The following SYMPK variants were observed in gnomAD, a reference collection of about 807,000 sequenced individuals.
The protein encoded by SYMPK is symplekin scaffold protein.
Under a neutral mutation model 136.4 loss-of-function variants are expected in SYMPK, and 49 were observed. The ratio of observed to expected loss-of-function variants is 0.36; its 90% confidence interval spans 0.29 to 0.46. The LOEUF (loss-of-function observed/expected upper bound fraction) is 0.46. Ranked by LOEUF, SYMPK falls within the 20% of genes least tolerant of loss-of-function variation. The pLI, the probability that SYMPK is intolerant of heterozygous loss-of-function variation, is 1.00. For synonymous variants in SYMPK, 766 were observed against 713.0 expected, an observed-to-expected ratio of 1.07 and a Z score of -1.19; for missense variants, 1,365 against 1,690.0, an observed-to-expected ratio of 0.81 and a Z score of 3.37.
chr19:45,854,302 C>T (rs1327268930), intron 2 of SYMPK, 62 bp from the exon 3 acceptor site: 9 of 1,603,250 alleles, frequency 5.6e-6, no homozygotes, highest in East Asian at 2.2e-5. Flanking sequence ...GCAGCCCCCT[C>T]GGCACTCCCA....
chr19:45,828,012 C>A, intron 14 of SYMPK, 94 bp from the exon 15 acceptor site: 1 of 1,148,686 alleles, frequency 8.7e-7, no homozygotes, highest in African/African-American at 1.5e-5. Context: ...GCCAGCAGGC[C>A]CTCCCTCAGG....
chr19:45,828,116 C>A lies in SYMPK; in HGVS notation c.1986-198G>T. On this transcript the variant is annotated intron_variant, in intron 14 of 26. Coordinates refer to ENST00000245934, the MANE Select transcript of SYMPK (RefSeq NM_004819.3). The stretch of plus-strand genomic sequence containing the variant: ...CTGGATGATCTGGGCAGAGACTGCA[C>A]CTCTCTGAAACTCATTTCTTCCGTT... The A allele has an allele frequency of 5.3e-6, 3 of 563,580 alleles. No individual in the cohort carries two copies. The South Asian group carries it at 6.1e-5, about 12-fold the overall frequency. 34.9% of individuals were successfully genotyped at this position (563,580 alleles called of 1,614,324 possible). A position where few individuals can be genotyped will look rare whatever the true frequency, so the allele number is the denominator to read the frequency against.
Position 45,835,075 on chromosome 19 carries a change from C to G in SYMPK, c.1393+3G>C, listed in dbSNP as rs770676902. On this transcript the variant is annotated splice_donor_region_variant and intron_variant, in intron 11 of 26. Coordinates refer to ENST00000245934, the MANE Select transcript of SYMPK (RefSeq NM_004819.3). ...GCCCAGGTTAGGGCCAGGACACACT[C>G]ACCTGGTCCCAGTCCGGCAGCTGTC... 1.2e-5 allele frequency: 19 copies of G among 1,593,592 alleles called. No individual in the cohort carries two copies. The highest frequency in any genetic ancestry group is 1.5e-5 in the Non-Finnish European group (18 of 1,169,674).
At chr19:45,837,768 A>C (rs1441781435) in intron 10 of SYMPK, among the ~76,000 whole-genome samples, 3 of 152,044 alleles carry the variant, frequency 2.0e-5, no homozygotes, top group Non-Finnish European at 4.4e-5. Context: ...GGCCTGGCCC[A>C]GGGTAAGTGC....
At position 45,816,504 on chromosome 19, in the gene SYMPK, G is replaced by A. The variant is rs770481797; in HGVS notation, c.3332C>T (p.Ala1111Val). The A allele has an allele frequency of 1.4e-5, 22 of 1,613,024 alleles. No homozygotes were observed. Among genetic ancestry groups the A allele is most frequent in the South Asian group, 1.2e-4 (11 of 91,060 alleles). The part of the protein sequence containing the change: ...SGKQEPEAKE[A>V]PAGPLEEDDL... ...CACCTCCTCCAAGGGCCCCGCAGGC[G>A]CCTCCTTGGCCTCTGGCTCCTGCTT... The change falls in exon 25 of 27, where the codon GCG (alanine) becomes GTG (valine). Residue 1111 changes from alanine (A) to valine (V), a missense_variant. Physicochemically the swap from Ala to Val is moderately conservative, Grantham distance 64. Coordinates refer to ENST00000245934, the MANE Select transcript of SYMPK (RefSeq NM_004819.3).
intron 11 of SYMPK, among the ~76,000 whole-genome samples, chr19:45,834,787 A>G (rs1971265039): frequency 6.6e-6 from 1 of 152,232 alleles, no homozygotes; most frequent in African/African-American, 2.4e-5. Context: ...TAGTACTGTT[A>G]AAACAGGGTA....
intron 12 of SYMPK, 143 bp from the exon 13 acceptor site, chr19:45,830,347 T>C: frequency 1.1e-6 from 1 of 937,006 alleles, no homozygotes; most frequent in Admixed American, 2.7e-5. Context: ...TCTGTGTCTC[T>C]GAGGCACGGT....
rs1970955614 is a variant in SYMPK at position 45,823,354 on chromosome 19, A to T, written c.2700+18T>A. ...CATGTCCCAGGTAGCAGGGACAAAC[A>T]GGCCTCCAGCTCCATACCTTCTCCA... is the stretch of plus-strand genomic sequence containing the variant. On this transcript the variant is annotated intron_variant, in intron 20 of 26. Coordinates refer to ENST00000245934, the MANE Select transcript of SYMPK (RefSeq NM_004819.3). 6.2e-7 allele frequency: 1 copy of T among 1,612,012 alleles called. No homozygotes were observed. The highest frequency in any genetic ancestry group is 1.1e-5 in the South Asian group (1 of 91,056).
At chr19:45,850,138 G>A (rs1276559968) in intron 5 of SYMPK, among the ~76,000 whole-genome samples, 2 of 151,828 alleles carry the variant, frequency 1.3e-5, no homozygotes, top group East Asian at 1.9e-4. Context: ...CCAGATACTC[G>A]GGGGGGCTGA....
intron 1 of SYMPK, among the ~76,000 whole-genome samples, chr19:45,860,510 A>G (rs564039305): frequency 3.3e-5 from 5 of 151,678 alleles, no homozygotes; most frequent in South Asian, 2.1e-4. Context: ...GAGAAAGAGA[A>G]AGAGAGAGAG....
chr19:45,837,298 G>C (rs958412704), intron 10 of SYMPK, among the ~76,000 whole-genome samples: 2 of 151,180 alleles, frequency 1.3e-5, no homozygotes, highest in Non-Finnish European at 2.9e-5. Context: ...AAACTGAAAA[G>C]GTCAATTCCT....
chr19:45,853,631 A>G (rs1037399183), intron 3 of SYMPK, among the ~76,000 whole-genome samples: 87 of 148,772 alleles, frequency 5.8e-4, no homozygotes, highest in African/African-American at 2.0e-3. Flanking sequence ...AAAAAAAAAG[A>G]GATGCTCTGC....
At chr19:45,857,409 C>CAAAA (rs1161033225) in intron 1 of SYMPK, among the ~76,000 whole-genome samples, 31 of 43,388 alleles carry the variant, frequency 7.1e-4, no homozygotes, top group African/African-American at 1.4e-3. Flanking sequence ...GACTCTGTCT[C>CAAAA]AAAAAAAAAA....
Position 45,816,534 on chromosome 19 carries a change from C to T in SYMPK, c.3302G>A (p.Ser1101Asn). 6 of 1,613,740 alleles carry T rather than the reference C, an allele frequency of 3.7e-6. No homozygotes were observed. Among genetic ancestry groups the T allele is most frequent in the Non-Finnish European group, 4.2e-6 (5 of 1,179,982 alleles). The change falls in exon 25 of 27, where the codon AGC (serine) becomes AAC (asparagine). Residue 1101 changes from serine (S) to asparagine (N), a missense_variant. Ser to Asn is a conservative substitution (Grantham distance 46). Transcript: ENST00000245934. Reference sequence around the variant, plus strand: ...CTTGGCCTCTGGCTCCTGCTTGCCGCTGGCCTCCAAGATGGTCATGATGGA... The same window carrying T: ...CTTGGCCTCTGGCTCCTGCTTGCCGTTGGCCTCCAAGATGGTCATGATGGA... ...PNSIMTILEA[S>N]GKQEPEAKEA...
intron 12 of SYMPK, chr19:45,830,410 C>T (rs1600504446): frequency 1.4e-5 from 8 of 576,250 alleles, no homozygotes; most frequent in African/African-American, 1.9e-5. Context: ...TTGCAGAGGG[C>T]GTCTTACGGA....
At chr19:45,861,750 A>AT (rs1447989203) in intron 1 of SYMPK, 2 of 146,876 alleles carry the variant, frequency 1.4e-5, no homozygotes, top group Non-Finnish European at 3.0e-5. Context: ...AAAAAAAAAA[A>AT]GGAGCCTACA....
intron 22 of SYMPK, chr19:45,820,862 A>T: frequency 2.1e-6 from 1 of 476,794 alleles, no homozygotes; most frequent in East Asian, 3.6e-5. Flanking sequence ...CAGCAGGCTC[A>T]GGCCTGTAGG....
chr19:45,851,072 G>A (rs1971686069), intron 5 of SYMPK, among the ~76,000 whole-genome samples: 1 of 152,104 alleles, frequency 6.6e-6, no homozygotes, highest in Non-Finnish European at 1.5e-5. Context: ...CGAAGTGAGA[G>A]TTTGGGTTTC....
Position 45,823,754 on chromosome 19 carries a change from T to A in SYMPK, c.2599+13A>T, listed in dbSNP as rs1296162237. 3 of 1,608,404 alleles carry A rather than the reference T, an allele frequency of 1.9e-6. No individual in the cohort carries two copies. In the Admixed American group the frequency reaches 5.0e-5, roughly 27 times the overall value. ...GGAGGAAAGCCATGAAAGGTGGGGG[T>A]CTCCAGGGTCACCTTTGTCTGTGAG... On this transcript the variant is annotated intron_variant, in intron 19 of 26. Transcript: ENST00000245934.
Sources: gnomAD v4.1 joint callset for allele counts (sites outside exome capture counted in the v4.1 genomes callset) on GRCh38, gnomAD v4.1.1 for gene constraint, MANE v1.5 for transcripts, NCBI Gene and HGNC (gene_info 2026-07-23, HGNC 2026-07-21) for gene names.